The following ESRP1 variants were observed in gnomAD, a reference collection of about 807,000 sequenced individuals.
ESRP1 encodes epithelial splicing regulatory protein 1.
In ESRP1, 33 loss-of-function variants were observed where a neutral mutation model predicts 81.7. That is an observed-to-expected ratio of 0.40 (90% CI 0.31 to 0.54). The LOEUF (loss-of-function observed/expected upper bound fraction) is 0.54. ESRP1 is among the 20% of genes least tolerant of loss of function. The pLI is 0.41. For synonymous variants in ESRP1, 320 were observed against 303.3 expected (o/e 1.06, Z -0.57); for missense variants, 672 against 833.1 (o/e 0.81, Z 2.38).
intron 10 of ESRP1, among the ~76,000 whole-genome samples, chr8:94,668,978 A>G (rs550244525): frequency 1.3e-4 from 20 of 152,182 alleles, no homozygotes; most frequent in African/African-American, 4.8e-4. Context: ...TTTTTAATGG[A>G]GATGGGGTTT....
At chr8:94,705,106 G>C (rs572243502) in intron 15 of ESRP1, among the ~76,000 whole-genome samples, 1 of 145,826 alleles carries the variant, frequency 6.9e-6, no homozygotes, top group African/African-American at 2.5e-5. Context: ...TCATCAACTA[G>C]TCACAGGCAT....
chr8:94,695,371 T>TTTTTTTTC (rs1351009238), intron 14 of ESRP1, among the ~76,000 whole-genome samples: 2,917 of 111,938 alleles, frequency 0.026, 79 homozygotes, highest in Non-Finnish European at 0.031. Flanking sequence ...TTTTTTTTTT[T>TTTTTTTTC]TGAGACGGAG....
Position 94,641,947 on chromosome 8 carries a change from C to T in ESRP1, c.133-9C>T, listed in dbSNP as rs977629872. On this transcript the variant is annotated splice_polypyrimidine_tract_variant and intron_variant, in intron 1 of 15. Coordinates refer to ENST00000433389, the MANE Select transcript of ESRP1 (RefSeq NM_017697.4). Reference sequence around the variant, plus strand: ...GGGGAAACTGACCCGTGCTTCTCTACCTTCGGAGGTGGGACAGTTGCACGA... The same window carrying T: ...GGGGAAACTGACCCGTGCTTCTCTATCTTCGGAGGTGGGACAGTTGCACGA... 4 of 1,613,584 alleles carry T rather than the reference C, an allele frequency of 2.5e-6. No homozygotes were observed. The highest frequency in any genetic ancestry group is 3.4e-6 in the Non-Finnish European group (4 of 1,179,620).
At position 94,662,562 on chromosome 8, in the gene ESRP1, G is replaced by T. The variant is rs756902394; in HGVS notation, c.644+7G>T. 13 of 1,591,108 alleles carry T rather than the reference G, an allele frequency of 8.2e-6. No individual in the cohort carries two copies. The East Asian group carries it at 2.7e-4, about 33-fold the overall frequency. On this transcript the variant is annotated splice_region_variant and intron_variant, in intron 6 of 15. Coordinates refer to ENST00000433389, the MANE Select transcript of ESRP1 (RefSeq NM_017697.4). ...AGTTTGAAAGTGGAACTTGGTAAGTGCTTGAGTACTATTTATTTGAGCTTT... is the reference window on the plus strand; with the variant it reads ...AGTTTGAAAGTGGAACTTGGTAAGTTCTTGAGTACTATTTATTTGAGCTTT...
At chr8:94,647,762 C>A (rs574731804) in intron 4 of ESRP1, among the ~76,000 whole-genome samples, 1 of 152,238 alleles carries the variant, frequency 6.6e-6, no homozygotes, top group South Asian at 2.1e-4. Context: ...GATAGTTGGT[C>A]TTCCACAAAA....
chr8:94,669,549 A>C (rs955858496), intron 10 of ESRP1, among the ~76,000 whole-genome samples: 1 of 152,154 alleles, frequency 6.6e-6, no homozygotes, highest in Non-Finnish European at 1.5e-5. Context: ...TGAACCCTAA[A>C]CTAGCTACAT....
At chr8:94,651,886 T>C (rs570337039) in intron 4 of ESRP1, among the ~76,000 whole-genome samples, 10 of 152,112 alleles carry the variant, frequency 6.6e-5, no homozygotes, top group Admixed American at 5.2e-4. Context: ...TCTGGTTTTA[T>C]AGGCGTGAGC....
chr8:94,689,811 C>CTTTATTTTTTTTTTTTTTT (rs1809304140), intron 13 of ESRP1, among the ~76,000 whole-genome samples: 1 of 64,680 alleles, frequency 1.5e-5, no homozygotes, highest in Non-Finnish European at 3.0e-5. Context: ...TGATGCCTGG[C>CTTTATTTTTTTTTTTTTTT]TTTTTTTTTT....
Position 94,641,390 on chromosome 8 carries a change from C to A in ESRP1, c.72C>A (p.Gly24=). Residue 24 remains glycine, a synonymous_variant, in exon 1 of 16, where the codon GGC becomes GGA. Transcript: ENST00000433389. ...ITAGATGAKL[G]SDEKELILLF... ...CTGGGGCCACCGGGGCCAAGCTAGG[C>A]TCGGATGAGAAGGAGTTGATCCTGC... is the stretch of plus-strand genomic sequence containing the variant. 6.2e-7 allele frequency: 1 copy of A among 1,613,866 alleles called. No homozygotes were observed.
In ESRP1 at chr8:94,675,115, G is replaced by A. The variant is rs571066887; in HGVS notation, c.1651+609G>A. ...ATTTTAAGCCATGCTCTCGCTCATTGGCACCTGGGTGCAAGCCATCTGGAA... is the reference window on the plus strand; with the variant it reads ...ATTTTAAGCCATGCTCTCGCTCATTAGCACCTGGGTGCAAGCCATCTGGAA... On this transcript the variant is annotated intron_variant, in intron 12 of 15. Coordinates refer to ENST00000433389, the MANE Select transcript of ESRP1 (RefSeq NM_017697.4). Among the ~76,000 whole-genome samples the A allele has an allele frequency of 1.2e-4, 19 of 152,288 alleles. No individual in the cohort carries two copies. The East Asian group carries it at 3.5e-3, about 28-fold the overall frequency.
At chr8:94,645,895 C>T (rs1225518349) in intron 3 of ESRP1, among the ~76,000 whole-genome samples, 1 of 152,106 alleles carries the variant, frequency 6.6e-6, no homozygotes, top group Non-Finnish European at 1.5e-5. Context: ...ACAAATGTAT[C>T]ACAGCTTCAG....
intron 11 of ESRP1, among the ~76,000 whole-genome samples, chr8:94,673,579 CTG>C (rs1485804798): frequency 6.6e-6 from 1 of 152,238 alleles, no homozygotes; most frequent in Non-Finnish European, 1.5e-5. Context: ...CGTTCTACCT[CTG>C]TGGAACACAA....
At chr8:94,674,200 A>G in intron 11 of ESRP1, 108 bp from the exon 12 acceptor site, 1 of 1,264,712 alleles carries the variant, frequency 7.9e-7, no homozygotes, top group South Asian at 1.4e-5. Flanking sequence ...TTTGTGGCTA[A>G]AATATCTGTA....
chr8:94,696,913 G>T lies in ESRP1; in HGVS notation c.2033G>T (p.Trp678Leu). ...NDQARTLPKE[W>L]VCI The stretch of plus-strand genomic sequence containing the variant: ...CAGGCCAGGACTCTACCCAAAGAAT[G>T]GGTTTGTATTTAAGGGCCCCAGCAG... The change falls in exon 15 of 16, where the codon TGG becomes TTG. Residue 678 changes from tryptophan (W) to leucine (L), a missense_variant. Physicochemically the swap from Trp to Leu is moderately conservative, Grantham distance 61. Coordinates refer to ENST00000433389, the MANE Select transcript of ESRP1 (RefSeq NM_017697.4). 6.3e-7 allele frequency: 1 copy of T among 1,590,544 alleles called. No individual in the cohort carries two copies. The highest frequency in any genetic ancestry group is 2.3e-5 in the East Asian group (1 of 44,354).
intron 13 of ESRP1, among the ~76,000 whole-genome samples, chr8:94,688,070 G>A (rs1292113932): frequency 1.3e-5 from 2 of 152,114 alleles, no homozygotes; most frequent in Non-Finnish European, 2.9e-5. Context: ...TGAGGTAGGG[G>A]TCTAAAATCA....
At chr8:94,697,095 A>T (rs1261583341) in intron 15 of ESRP1, 134 bp downstream of exon 15, 1 of 616,048 alleles carries the variant, frequency 1.6e-6, no homozygotes, top group East Asian at 2.9e-5. Flanking sequence ...TCCTGGAAGG[A>T]ATGGAGACTA....
chr8:94,681,108 G>A (rs1398062062), intron 13 of ESRP1, among the ~76,000 whole-genome samples: 2 of 151,218 alleles, frequency 1.3e-5, no homozygotes, highest in East Asian at 2.0e-4. Flanking sequence ...GACGGATCAC[G>A]AGGTCAGGAG....
intron 12 of ESRP1, among the ~76,000 whole-genome samples, chr8:94,677,091 G>C (rs193010978): frequency 2.9e-4 from 44 of 152,188 alleles, no homozygotes; most frequent in Non-Finnish European, 3.8e-4. Flanking sequence ...CACAGTTTTT[G>C]ATGAGTATGA....
intron 13 of ESRP1, among the ~76,000 whole-genome samples, chr8:94,683,902 C>T (rs2722885): frequency 0.53 from 79,967 of 152,038 alleles, 21,430 homozygotes; most frequent in East Asian, 0.74. Flanking sequence ...GTAAAAACTT[C>T]AATGGCGCGA....
Sources: allele counts gnomAD v4.1 joint callset (sites outside exome capture counted in the v4.1 genomes callset), GRCh38; gene constraint gnomAD v4.1.1; transcripts MANE v1.5; gene names NCBI Gene and HGNC (gene_info 2026-07-23, HGNC 2026-07-21).